The following ZBTB20 variants were observed in gnomAD, a reference collection of about 807,000 sequenced individuals.
The protein encoded by ZBTB20 is zinc finger and BTB domain-containing protein 20.
Under a neutral mutation model 56.9 loss-of-function variants are expected in ZBTB20, and 9 were observed. That is an observed-to-expected ratio of 0.16 (90% CI 0.10 to 0.28). The LOEUF is 0.28. ZBTB20 is among the 10% of genes least tolerant of loss of function. The pLI, the probability that ZBTB20 is intolerant of heterozygous loss-of-function variation, is 1.00. For synonymous variants in ZBTB20, 417 were observed against 420.7 expected (o/e 0.99, Z 0.11); for missense variants, 655 against 1,003.0 (o/e 0.65, Z 4.69).
chr3:114,844,795 C>T (rs1056080374), intron 4 of ZBTB20, among the ~76,000 whole-genome samples: 1 of 148,748 alleles, frequency 6.7e-6, no homozygotes, highest in Non-Finnish European at 1.5e-5. Context: ...AATTTGCCTT[C>T]TTCTAACAAT....
At chr3:114,364,785 T>C (rs116744002) in intron 10 of ZBTB20, among the ~76,000 whole-genome samples, 1 of 152,336 alleles carries the variant, frequency 6.6e-6, no homozygotes, top group Non-Finnish European at 1.5e-5. Flanking sequence ...ATTATCCAAC[T>C]GATTAATTAG....
Position 114,328,492 on chromosome 3 carries a change from C to T in ZBTB20, c.*10513G>A, listed in dbSNP as rs2079131316. On this transcript the variant is annotated 3_prime_UTR_variant, in exon 12 of 12. Transcript: ENST00000675478. ...TTTACTCATATGAAGAACCTGAACACTGTGGTATTTAAAAAAAAAACAGAA... is the reference window on the plus strand; with the variant it reads ...TTTACTCATATGAAGAACCTGAACATTGTGGTATTTAAAAAAAAAACAGAA... 1 of 151,796 alleles carries T rather than the reference C, an allele frequency of 6.6e-6. No individual in the cohort carries two copies. Among genetic ancestry groups the T allele is most frequent in the Admixed American group, 6.6e-5 (1 of 15,252 alleles). The allele number at this position is 151,796 out of a possible 1,614,324, so 9.4% of individuals were successfully genotyped here.
chr3:114,743,024 T>A lies in ZBTB20; in HGVS notation c.-342-49449A>T, dbSNP rs185084964. Among the ~76,000 whole-genome samples, 20 of 152,320 alleles carry A rather than the reference T, an allele frequency of 1.3e-4. No individual in the cohort carries two copies. In the South Asian group the frequency reaches 3.3e-3, roughly 25 times the overall value. The stretch of plus-strand genomic sequence containing the variant: ...CATGTTCACTTTGACATCTTTTTTT[T>A]ATTATGATTTTTGGAGAAGTAATAT... On this transcript the variant is annotated intron_variant, in intron 5 of 11. Transcript: ENST00000675478.
chr3:114,494,887 G>A (rs1287465475), intron 7 of ZBTB20, among the ~76,000 whole-genome samples: 1 of 152,208 alleles, frequency 6.6e-6, no homozygotes, highest in Non-Finnish European at 1.5e-5. Flanking sequence ...GGGGAAAAGT[G>A]ATGCTATTTA....
intron 6 of ZBTB20, among the ~76,000 whole-genome samples, chr3:114,550,675 T>C (rs531400591): frequency 1.3e-5 from 2 of 152,224 alleles, no homozygotes; most frequent in South Asian, 4.1e-4. Flanking sequence ...TTGATCTCTT[T>C]ATTTTCCTTC....
In ZBTB20 at chr3:114,869,235, G is replaced by A. The variant is rs190865548; in HGVS notation, c.-417+31069C>T. ...GATCCTCAAAACTCCTTAGAAGCTC[G>A]CTCAAAATCTTGTTTTAAGTCTACT... is the stretch of plus-strand genomic sequence containing the variant. On this transcript the variant is annotated intron_variant, in intron 4 of 11. Coordinates refer to ENST00000675478, the MANE Select transcript of ZBTB20 (RefSeq NM_001348800.3). Among the ~76,000 whole-genome samples the A allele has an allele frequency of 5.9e-3, 896 of 152,116 alleles. 7 individuals carry two copies. Among genetic ancestry groups the A allele is most frequent in the Non-Finnish European group, 6.0e-3 (406 of 67,974 alleles).
intron 3 of ZBTB20, among the ~76,000 whole-genome samples, chr3:114,915,911 A>G (rs1248628564): frequency 1.3e-5 from 2 of 151,954 alleles, no homozygotes; most frequent in African/African-American, 4.8e-5. Context: ...TTCCATGGTG[A>G]TCAGAGAAGA....
At chr3:115,047,041 C>A (rs1298575949) in intron 2 of ZBTB20, among the ~76,000 whole-genome samples, 1 of 152,130 alleles carries the variant, frequency 6.6e-6, no homozygotes, top group African/African-American at 2.4e-5. Context: ...AATGCAGAAT[C>A]CAACAATTTG....
intron 7 of ZBTB20, chr3:114,453,601 A>G (rs922030502): frequency 2.0e-5 from 3 of 152,148 alleles, no homozygotes; most frequent in Non-Finnish European, 4.4e-5. Context: ...GAAAGGGTAA[A>G]GACATGATAA....
At chr3:114,645,554 G>A (rs1314934689) in intron 6 of ZBTB20, among the ~76,000 whole-genome samples, 4 of 152,104 alleles carry the variant, frequency 2.6e-5, no homozygotes, top group Non-Finnish European at 1.5e-5. Context: ...ATCTTTCTGG[G>A]TGGCATCAGT....
chr3:115,061,662 C>G (rs1023547957), intron 2 of ZBTB20, among the ~76,000 whole-genome samples: 4 of 152,066 alleles, frequency 2.6e-5, no homozygotes, highest in African/African-American at 9.7e-5. Flanking sequence ...GGTGACTTTT[C>G]AAATCTCTTC....
chr3:114,537,821 G>GT (rs1279051569), intron 6 of ZBTB20, among the ~76,000 whole-genome samples: 1 of 152,128 alleles, frequency 6.6e-6, no homozygotes, highest in Non-Finnish European at 1.5e-5. Flanking sequence ...AAAAGGATGA[G>GT]TTCATTTCCT....
chr3:114,931,124 C>A lies in ZBTB20; in HGVS notation c.-455-30782G>T, dbSNP rs550391327. The A allele has an allele frequency of 8.0e-5, 14 of 175,332 alleles. No individual in the cohort carries two copies. In the South Asian group the frequency reaches 2.2e-3, roughly 27 times the overall value. The allele number at this position is 175,332 out of a possible 1,614,324, so 10.9% of individuals were successfully genotyped here. ...CGGAAATTGACCACCATATTCTAAC[C>A]CTCCTTGCAGGGAGCAGCGACGGAG... is the stretch of plus-strand genomic sequence containing the variant. On this transcript the variant is annotated intron_variant, in intron 3 of 11. Transcript: ENST00000675478.
intron 5 of ZBTB20, among the ~76,000 whole-genome samples, chr3:114,706,717 TC>T (rs1207164595): frequency 6.6e-6 from 1 of 152,026 alleles, no homozygotes; most frequent in African/African-American, 2.4e-5. Flanking sequence ...GGCCACACTT[TC>T]CCCAAAGCTC....
chr3:114,990,980 T>G (rs956861339), intron 2 of ZBTB20, among the ~76,000 whole-genome samples: 1 of 152,178 alleles, frequency 6.6e-6, no homozygotes, highest in African/African-American at 2.4e-5. Flanking sequence ...ATTGCGTCTA[T>G]TTGATTCTTT....
At chr3:115,097,542 G>A (rs1303770113) in intron 1 of ZBTB20, among the ~76,000 whole-genome samples, 1 of 152,022 alleles carries the variant, frequency 6.6e-6, no homozygotes, top group Non-Finnish European at 1.5e-5. Flanking sequence ...GCACACACAC[G>A]TCACTCAGTA....
intron 10 of ZBTB20, among the ~76,000 whole-genome samples, chr3:114,364,722 T>C (rs1407978310): frequency 6.6e-6 from 1 of 152,206 alleles, no homozygotes; most frequent in African/African-American, 2.4e-5. Context: ...TCAGAGTGTA[T>C]GGAAAAGTGT....
chr3:114,575,270 T>C (rs922807140), intron 6 of ZBTB20, among the ~76,000 whole-genome samples: 13 of 152,170 alleles, frequency 8.5e-5, no homozygotes, highest in Admixed American at 7.2e-4. Context: ...TCATGCCACA[T>C]AGAAGGCTTG....
At chr3:114,989,187 C>T (rs2108136781) in intron 2 of ZBTB20, among the ~76,000 whole-genome samples, 1 of 152,218 alleles carries the variant, frequency 6.6e-6, no homozygotes, top group South Asian at 2.1e-4. Context: ...ATGCCTATGT[C>T]CTGAATGGTA....
Sources: allele counts gnomAD v4.1 joint callset (sites outside exome capture counted in the v4.1 genomes callset), GRCh38; gene constraint gnomAD v4.1.1; transcripts MANE v1.5; gene names NCBI Gene and HGNC (gene_info 2026-07-23, HGNC 2026-07-21).